Variants in TENT5A observed in about 807,000 individuals in gnomAD.
TENT5A encodes HBV X-transactivated gene 11 protein.
TENT5A carries 9 observed loss-of-function variants against 30.2 expected under a neutral mutation model. That is an observed-to-expected ratio of 0.30 (90% CI 0.18 to 0.52). TENT5A has a LOEUF of 0.52. Ranked by LOEUF, TENT5A falls within the 20% of genes least tolerant of loss-of-function variation. The probability of loss-of-function intolerance (pLI) is 0.97; values close to 1 mark genes in which losing one functional copy is unlikely to be tolerated. For synonymous variants in TENT5A, 264 were observed against 234.2 expected (o/e 1.13, Z -1.16); for missense variants, 411 against 566.1 (o/e 0.73, Z 2.78).
chr6:81,749,641 T>C lies in TENT5A; in HGVS notation c.*54A>G, dbSNP rs552106518. 1.3e-6 allele frequency: 2 copies of C among 1,485,474 alleles called. No individual in the cohort carries two copies. Among genetic ancestry groups the C allele is most frequent in the East Asian group, 2.3e-5 (1 of 42,712 alleles). The allele number at this position is 1,485,474 out of a possible 1,614,324, so 92.0% of individuals were successfully genotyped here. On this transcript the variant is annotated 3_prime_UTR_variant, in exon 3 of 3. Coordinates refer to ENST00000320172, the MANE Select transcript of TENT5A (RefSeq NM_017633.3). ...TCTTTTTTTTTTCTTTTTTTTTTTTTTCTCTCCTGTCTTGTCTGAAATGGC... is the reference window on the plus strand; with the variant it reads ...TCTTTTTTTTTTCTTTTTTTTTTTTCTCTCTCCTGTCTTGTCTGAAATGGC...
In TENT5A at chr6:81,750,923, G is replaced by T. The variant is rs944405000; in HGVS notation, c.553-452C>A. 6.6e-6 allele frequency among the ~76,000 whole-genome samples: 1 copy of T among 152,208 alleles called. No homozygotes were observed. The highest frequency in any genetic ancestry group is 6.5e-5 in the Admixed American group (1 of 15,288). On this transcript the variant is annotated intron_variant, in intron 2 of 2. Coordinates refer to ENST00000320172, the MANE Select transcript of TENT5A (RefSeq NM_017633.3). The surrounding 1 kb of genome is among the most constrained non-coding windows in gnomAD (Gnocchi z 4.2). Reference sequence around the variant, plus strand: ...CGGCAATCAATGTTATCAGTATCTTGTGTGTCCCTCCAGGGGCACCCTGCA... The same window carrying T: ...CGGCAATCAATGTTATCAGTATCTTTTGTGTCCCTCCAGGGGCACCCTGCA...
rs1296067901 is a variant in TENT5A, at chr6:81,752,472, C to A, written c.-79G>T. 8 of 1,546,380 alleles carry A rather than the reference C, an allele frequency of 5.2e-6. No individual in the cohort carries two copies. Among genetic ancestry groups the A allele is most frequent in the Admixed American group, 3.9e-5 (2 of 50,848 alleles). Reference sequence around the variant, plus strand: ...CTTCTAGGAGCGCAGCGAGCGAGAGCGAAACCGAGAGGCGGCAACACTTCC... The same window carrying A: ...CTTCTAGGAGCGCAGCGAGCGAGAGAGAAACCGAGAGGCGGCAACACTTCC... On this transcript the variant is annotated 5_prime_UTR_variant, in exon 1 of 3. Coordinates refer to ENST00000320172, the MANE Select transcript of TENT5A (RefSeq NM_017633.3).
rs895868006 is a variant in TENT5A, at chr6:81,746,357, G to A, written c.*3338C>T. The A allele has an allele frequency of 4.1e-6, 5 of 1,226,580 alleles. No individual in the cohort carries two copies. The highest frequency in any genetic ancestry group is 3.1e-5 in the African/African-American group (2 of 64,268). The allele number at this position is 1,226,580 out of a possible 1,614,324, so 76.0% of individuals were successfully genotyped here. ...CATTGAAAACAACTTTATGCACAGT[G>A]AAGCAACCAACAATAAGCAAACAGA... On this transcript the variant is annotated 3_prime_UTR_variant, in exon 3 of 3. Coordinates refer to ENST00000320172, the MANE Select transcript of TENT5A (RefSeq NM_017633.3).
At position 81,752,024 on chromosome 6, in the gene TENT5A, CGCCGCCG is replaced by C. The variant is rs758783597; in HGVS notation, c.111_117del (p.Phe37LeufsTer28). The C allele has an allele frequency of 1.8e-6, 2 of 1,126,698 alleles. No homozygotes were observed. The highest frequency in any genetic ancestry group is 2.9e-5 in the East Asian group (1 of 34,650). 69.8% of individuals were successfully genotyped at this position (1,126,698 alleles called of 1,614,324 possible). ...AAGCTGCCGCCACCGCCGAAGTCGC[CGCCGCCG>C]AAGTCGCCGCCGCCGAAGTCGCCGC... On this transcript the variant is annotated frameshift_variant, in exon 2 of 3. Transcript: ENST00000320172. LOFTEE classifies it high-confidence loss of function.
At position 81,752,547 on chromosome 6, in the gene TENT5A, G is replaced by T; in HGVS notation, c.-154C>A. On this transcript the variant is annotated 5_prime_UTR_variant, in exon 1 of 3. It adds an upstream start codon to the 5' untranslated region. Transcript: ENST00000320172. ...GCAAATAGCGACTTCGTCTTTCCCAGACCCCTGCCGCCTGCGCTCACCACT... is the reference window on the plus strand; with the variant it reads ...GCAAATAGCGACTTCGTCTTTCCCATACCCCTGCCGCCTGCGCTCACCACT... 1 of 1,098,604 alleles carries T rather than the reference G, an allele frequency of 9.1e-7. No individual in the cohort carries two copies. The highest frequency in any genetic ancestry group is 1.4e-6 in the Non-Finnish European group (1 of 735,002). The allele number at this position is 1,098,604 out of a possible 1,614,324, so 68.1% of individuals were successfully genotyped here. A position where few individuals can be genotyped will look rare whatever the true frequency, so the allele number is the denominator to read the frequency against.
intron 2 of TENT5A, among the ~76,000 whole-genome samples, chr6:81,751,318 A>C (rs1474507840): frequency 6.6e-6 from 1 of 152,236 alleles, no homozygotes; most frequent in Non-Finnish European, 1.5e-5. Flanking sequence ...GAAAGCCAAG[A>C]GTTAAAACAT....
rs1037553936 is a variant in TENT5A, at chr6:81,752,677, T to G, written c.-284A>C. 2.8e-6 allele frequency: 2 copies of G among 717,606 alleles called. No homozygotes were observed. Among genetic ancestry groups the G allele is most frequent in the Non-Finnish European group, 5.2e-6 (2 of 385,360 alleles). The allele number at this position is 717,606 out of a possible 1,614,324, so 44.5% of individuals were successfully genotyped here. A position where few individuals can be genotyped will look rare whatever the true frequency, so the allele number is the denominator to read the frequency against. On this transcript the variant is annotated 5_prime_UTR_variant, in exon 1 of 3. Coordinates refer to ENST00000320172, the MANE Select transcript of TENT5A (RefSeq NM_017633.3). ...CTCGTGTCTCTGGAGCTTTAGCAGT[T>G]GTGCGGGGAAAATGTCTTCAGTACT...
In TENT5A at chr6:81,748,002, A is replaced by C; in HGVS notation, c.*1693T>G. 1.0e-6 allele frequency: 1 copy of C among 982,508 alleles called. No individual in the cohort carries two copies. Among genetic ancestry groups the C allele is most frequent in the Non-Finnish European group, 1.2e-6 (1 of 826,932 alleles). The allele number at this position is 982,508 out of a possible 1,614,324, so 60.9% of individuals were successfully genotyped here. A position where few individuals can be genotyped will look rare whatever the true frequency, so the allele number is the denominator to read the frequency against. ...TTAAATGCAGTGTGACAACCAGATC[A>C]AAGATGTTTCATATTGACATGATTT... On this transcript the variant is annotated 3_prime_UTR_variant, in exon 3 of 3. Transcript: ENST00000320172.
chr6:81,751,018 A>T (rs1370754460), intron 2 of TENT5A, among the ~76,000 whole-genome samples: 1 of 152,212 alleles, frequency 6.6e-6, no homozygotes, highest in African/African-American at 2.4e-5. Flanking sequence ...TTAACTAATC[A>T]TATAAAACCC....
At position 81,746,696 on chromosome 6, in the gene TENT5A, G is replaced by A; in HGVS notation, c.*2999C>T. On this transcript the variant is annotated 3_prime_UTR_variant, in exon 3 of 3. Transcript: ENST00000320172. ...AACTTCTTCCTGGTTTAAAGAAACA[G>A]CACACTAGGCCAGATAAACACAAAA... 1.6e-6 allele frequency: 2 copies of A among 1,228,052 alleles called. No individual in the cohort carries two copies. The highest frequency in any genetic ancestry group is 3.1e-5 in the African/African-American group (2 of 64,436). 76.1% of individuals were successfully genotyped at this position (1,228,052 alleles called of 1,614,324 possible). A position where few individuals can be genotyped will look rare whatever the true frequency, so the allele number is the denominator to read the frequency against.
At position 81,751,708 on chromosome 6, in the gene TENT5A, C is replaced by G; in HGVS notation, c.434G>C (p.Cys145Ser). 1.9e-6 allele frequency: 3 copies of G among 1,614,138 alleles called. No individual in the cohort carries two copies. Among genetic ancestry groups the G allele is most frequent in the Non-Finnish European group, 2.5e-6 (3 of 1,180,040 alleles). The change falls in exon 2 of 3, where the codon TGC (cysteine) becomes TCC (serine). Residue 145 changes from cysteine to serine, a missense_variant. Physicochemically the swap from Cys to Ser is moderately radical, Grantham distance 112 (BLOSUM62 -1). Around this residue, in one of 5 missense-constraint regions of TENT5A, gnomAD observed 157 missense variants for 183.2 expected, o/e 0.86. Transcript: ENST00000320172. ...CTCCCCTTCCCCGCGCAGGTCGGCGCAGAAGATGAGGTCCAGGTCCTTGTA... is the reference window on the plus strand; with the variant it reads ...CTCCCCTTCCCCGCGCAGGTCGGCGGAGAAGATGAGGTCCAGGTCCTTGTA... ...LGYKDLDLIFCADLRGEGEFQ... is the reference protein window; with the variant it reads ...LGYKDLDLIFSADLRGEGEFQ...
In TENT5A at chr6:81,752,182, A is replaced by T. The variant is rs1769058309; in HGVS notation, c.-37-4T>A. On this transcript the variant is annotated splice_polypyrimidine_tract_variant and splice_region_variant and intron_variant, in intron 1 of 2. Transcript: ENST00000320172. Reference sequence around the variant, plus strand: ...CGCCACTTGGCCCTGGTCAGTCCTAAAAAGAAAGGGAAAGGAGCGCGGTGA... The same window carrying T: ...CGCCACTTGGCCCTGGTCAGTCCTATAAAGAAAGGGAAAGGAGCGCGGTGA... 6.7e-7 allele frequency: 1 copy of T among 1,498,734 alleles called. No individual in the cohort carries two copies. The allele number at this position is 1,498,734 out of a possible 1,614,324, so 92.8% of individuals were successfully genotyped here.
Position 81,746,668 on chromosome 6 carries a change from C to T in TENT5A, c.*3027G>A. 8.1e-7 allele frequency: 1 copy of T among 1,230,616 alleles called. No homozygotes were observed. The highest frequency in any genetic ancestry group is 1.0e-6 in the Non-Finnish European group (1 of 987,092). The allele number at this position is 1,230,616 out of a possible 1,614,324, so 76.2% of individuals were successfully genotyped here. On this transcript the variant is annotated 3_prime_UTR_variant, in exon 3 of 3. Transcript: ENST00000320172. ...ACAGGTGAGAAGAGCCTCCAAAAGA[C>T]AAAACTTCTTCCTGGTTTAAAGAAA...
rs760959669 is a variant in TENT5A at position 81,752,357 on chromosome 6, C to T, written c.-38+74G>A. On this transcript the variant is annotated intron_variant, in intron 1 of 2. Transcript: ENST00000320172. ...ACAGTCCCCAGCCGCGCACCGCGCCCCGCAGAGCAGCCCCGCACCAAAAGT... is the reference window on the plus strand; with the variant it reads ...ACAGTCCCCAGCCGCGCACCGCGCCTCGCAGAGCAGCCCCGCACCAAAAGT... 3.9e-6 allele frequency: 6 copies of T among 1,549,694 alleles called. No homozygotes were observed. In the South Asian group the frequency reaches 4.8e-5, roughly 12 times the overall value.
In TENT5A at chr6:81,749,533, A is replaced by G. The variant is rs1322042484; in HGVS notation, c.*162T>C. 2 of 1,379,722 alleles carry G rather than the reference A, an allele frequency of 1.4e-6. No individual in the cohort carries two copies. The highest frequency in any genetic ancestry group is 1.9e-6 in the Non-Finnish European group (2 of 1,071,252). 85.5% of individuals were successfully genotyped at this position (1,379,722 alleles called of 1,614,324 possible). A position where few individuals can be genotyped will look rare whatever the true frequency, so the allele number is the denominator to read the frequency against. On this transcript the variant is annotated 3_prime_UTR_variant, in exon 3 of 3. Coordinates refer to ENST00000320172, the MANE Select transcript of TENT5A (RefSeq NM_017633.3). Reference sequence around the variant, plus strand: ...CGAGATCATGCTCCCACATCTATTAAAAGATACATAAGCTTTGCCAAACTT... The same window carrying G: ...CGAGATCATGCTCCCACATCTATTAGAAGATACATAAGCTTTGCCAAACTT...
chr6:81,751,563 A>G, intron 2 of TENT5A, 27 bp downstream of exon 2: 2 of 1,575,750 alleles, frequency 1.3e-6, no homozygotes, highest in Non-Finnish European at 1.7e-6. Context: ...CTGGGTCAGG[A>G]CCCAAGTGCA....
At chr6:81,752,214 G>T in intron 1 of TENT5A, 36 bp from the exon 2 acceptor site, 1 of 1,255,822 alleles carries the variant, frequency 8.0e-7, no homozygotes, top group Non-Finnish European at 1.0e-6. Flanking sequence ...GTGAGGACGC[G>T]CGGCGGCGGA....
At position 81,749,596 on chromosome 6, in the gene TENT5A, C is replaced by T; in HGVS notation, c.*99G>A. The T allele has an allele frequency of 6.7e-7, 1 of 1,483,810 alleles. No individual in the cohort carries two copies. The highest frequency in any genetic ancestry group is 8.9e-7 in the Non-Finnish European group (1 of 1,122,312). The allele number at this position is 1,483,810 out of a possible 1,614,324, so 91.9% of individuals were successfully genotyped here. Reference sequence around the variant, plus strand: ...ATATCATCATTGCACAAAACACATCCCTAATAAGGGCTGGATCACTCTTTT... The same window carrying T: ...ATATCATCATTGCACAAAACACATCTCTAATAAGGGCTGGATCACTCTTTT... On this transcript the variant is annotated 3_prime_UTR_variant, in exon 3 of 3. Transcript: ENST00000320172.
In TENT5A at chr6:81,747,513, G is replaced by C; in HGVS notation, c.*2182C>G. 1 of 985,776 alleles carries C rather than the reference G, an allele frequency of 1.0e-6. No homozygotes were observed. Among genetic ancestry groups the C allele is most frequent in the Non-Finnish European group, 1.2e-6 (1 of 829,926 alleles). The allele number at this position is 985,776 out of a possible 1,614,324, so 61.1% of individuals were successfully genotyped here. ...TCCCATTAAGGCTTCAAAGAAAGAT[G>C]CACAAAAGGTAGTCCAGACGGATTA... On this transcript the variant is annotated 3_prime_UTR_variant, in exon 3 of 3. Transcript: ENST00000320172.
Sources: allele counts gnomAD v4.1 joint callset (sites outside exome capture counted in the v4.1 genomes callset), GRCh38; gene constraint gnomAD v4.1.1; regional missense constraint gnomAD v4.1.1; non-coding constraint Gnocchi (gnomAD v3.1); transcripts MANE v1.5; gene names NCBI Gene and HGNC (gene_info 2026-07-23, HGNC 2026-07-21).